Variants in PML observed in about 807,000 individuals in gnomAD.
PML encodes the protein PML nuclear body scaffold.
A neutral mutation model predicts 65.2 loss-of-function variants in PML; 28 were observed. That is an observed-to-expected ratio of 0.43 (90% CI 0.32 to 0.59). The LOEUF is 0.59. PML is among the 20% of genes least tolerant of loss of function. The pLI, the probability that PML is intolerant of heterozygous loss-of-function variation, is 0.08. For missense variants in PML, 1,021 were observed against 1,203.4 expected (o/e 0.85, Z 2.24); for synonymous variants, 500 against 508.8 (o/e 0.98, Z 0.23).
At chr15:74,012,456 G>A (rs539377912) in intron 2 of PML, among the ~76,000 whole-genome samples, 4 of 152,034 alleles carry the variant, frequency 2.6e-5, no homozygotes, top group South Asian at 4.2e-4. Context: ...TTACAGGCGT[G>A]AGCCACCGTG....
chr15:74,011,906 T>C (rs1393447805), intron 2 of PML, among the ~76,000 whole-genome samples: 2 of 152,216 alleles, frequency 1.3e-5, no homozygotes, highest in African/African-American at 4.8e-5. Context: ...CTACTCCTGC[T>C]GGACTCTACA....
chr15:74,042,908 C>A lies in PML; in HGVS notation c.1711-81C>A. The stretch of plus-strand genomic sequence containing the variant: ...TTCATGTGCACGCAGATGCTCCCAG[C>A]TATACCAGCTTGCTAGTGTTCTGCA... On this transcript the variant is annotated intron_variant, in intron 7 of 8. Transcript: ENST00000268058. The surrounding 1 kb of genome is among the most constrained non-coding windows in gnomAD (Gnocchi z 5.3). The A allele has an allele frequency of 6.2e-7, 1 of 1,609,552 alleles. No homozygotes were observed. The highest frequency in any genetic ancestry group is 8.5e-7 in the Non-Finnish European group (1 of 1,179,678).
rs76999765 is a variant in PML, at chr15:74,037,227, C to A, written c.1710+2697C>A. ...TCCCAGCCTCACCCTCAGCTGATGG[C>A]GGCACCTTCTGCTCCAGGGAGAAAA... On this transcript the variant is annotated intron_variant, in intron 7 of 8. Transcript: ENST00000268058. The surrounding 1 kb of genome is among the most constrained non-coding windows in gnomAD (Gnocchi z 4.2). 1.0e-6 allele frequency: 1 copy of A among 985,218 alleles called. No homozygotes were observed. Among genetic ancestry groups the A allele is most frequent in the Non-Finnish European group, 1.2e-6 (1 of 829,912 alleles). The allele number at this position is 985,218 out of a possible 1,614,324, so 61.0% of individuals were successfully genotyped here.
Position 73,998,187 on chromosome 15 carries a change from G to A in PML, c.313G>A (p.Asp105Asn). The change falls in exon 2 of 9, where the codon GAT becomes AAT. Residue 105 changes from aspartate to asparagine, a missense_variant. Physicochemically the swap from Asp to Asn is conservative, Grantham distance 23. Coordinates refer to ENST00000268058, the MANE Select transcript of PML (RefSeq NM_033238.3). ...WPLGADTPAL[D>N]NVFFESLQRR... ...CCTAGGTGCAGACACACCCGCCCTG[G>A]ATAACGTCTTTTTCGAGAGTCTGCA... 1 of 1,614,240 alleles carries A rather than the reference G, an allele frequency of 6.2e-7. No homozygotes were observed. Among genetic ancestry groups the A allele is most frequent in the Non-Finnish European group, 8.5e-7 (1 of 1,180,038 alleles).
Position 74,035,999 on chromosome 15 carries a change from C to T in PML, c.1710+1469C>T, listed in dbSNP as rs1226914001. ...CCTTGCAGCCAACACCCCTGCCCGG[C>T]CCCTGAGCTGCCTCCTCCAGCCCAT... On this transcript the variant is annotated intron_variant, in intron 7 of 8. Transcript: ENST00000268058. This position sits in a 1 kb window ranked among gnomAD's most constrained non-coding sequence, Gnocchi z 4.1. 2 of 1,614,108 alleles carry T rather than the reference C, an allele frequency of 1.2e-6. No homozygotes were observed. Among genetic ancestry groups the T allele is most frequent in the South Asian group, 1.1e-5 (1 of 91,090 alleles).
chr15:73,999,686 G>GA (rs1053254462), intron 2 of PML, among the ~76,000 whole-genome samples: 7 of 151,680 alleles, frequency 4.6e-5, no homozygotes, highest in Non-Finnish European at 7.4e-5. Context: ...TTCCTCGAAA[G>GA]AAAAAAATGT....
intron 4 of PML, chr15:74,025,807 G>C (rs987502180): frequency 6.6e-6 from 1 of 152,338 alleles, no homozygotes; most frequent in Non-Finnish European, 1.5e-5. Flanking sequence ...CCTGGACTTG[G>C]CATCTGGTCT....
At chr15:74,000,630 C>G (rs574570854) in intron 2 of PML, among the ~76,000 whole-genome samples, 16 of 152,286 alleles carry the variant, frequency 1.1e-4, no homozygotes, top group Middle Eastern at 3.4e-3. Context: ...TTTAAGTCAT[C>G]TCTAGATTAC....
chr15:74,034,634 G>T (rs775231611), intron 7 of PML, 104 bp downstream of exon 7: 1 of 1,611,958 alleles, frequency 6.2e-7, no homozygotes, highest in African/African-American at 1.3e-5. Flanking sequence ...TTGCGCCTGG[G>T]GAATTTTCCA....
In PML at chr15:74,044,398, G is replaced by A. The variant is rs1029424334; in HGVS notation, c.2039G>A (p.Trp680Ter). The A allele has an allele frequency of 6.2e-7, 1 of 1,614,090 alleles. No individual in the cohort carries two copies. The highest frequency in any genetic ancestry group is 8.5e-7 in the Non-Finnish European group (1 of 1,180,044). The change falls in exon 9 of 9, where the codon TGG becomes TAG. Residue 680 changes from tryptophan (W) to a stop codon, truncating the protein, a stop_gained. Coordinates refer to ENST00000268058, the MANE Select transcript of PML (RefSeq NM_033238.3). LOFTEE classifies it low-confidence loss of function (END_TRUNC). ...RRPILACYKL[W>*]GPGLPNFFRA... ...CCTATCTTGGCCTGCTACAAGCTGT[G>A]GGGGCCTGGCCTCCCAAACTTCTTC...
In PML at chr15:74,044,447, G is replaced by T; in HGVS notation, c.2088G>T (p.Arg696Ser). 6.2e-7 allele frequency: 1 copy of T among 1,614,208 alleles called. No homozygotes were observed. Among genetic ancestry groups the T allele is most frequent in the Non-Finnish European group, 8.5e-7 (1 of 1,180,022 alleles). ...NFFRALEDIN[R>S]LWEFQEAISG... ...TCCGGGCCCTGGAGGACATTAACAG[G>T]CTGTGGGAATTCCAGGAGGCCATCT... The change falls in exon 9 of 9, where the codon AGG (arginine) becomes AGT (serine). Residue 696 changes from arginine (R) to serine (S), a missense_variant. Coordinates refer to ENST00000268058, the MANE Select transcript of PML (RefSeq NM_033238.3).
intron 2 of PML, among the ~76,000 whole-genome samples, chr15:74,008,154 TAGAA>T (rs1401175062): frequency 1.6e-4 from 25 of 152,054 alleles, no homozygotes; most frequent in Middle Eastern, 3.4e-3. Context: ...TATAAGGAAA[TAGAA>T]AGGCCACAGA....
chr15:74,002,701 G>A (rs564692350), intron 2 of PML, among the ~76,000 whole-genome samples: 23 of 149,582 alleles, frequency 1.5e-4, no homozygotes, highest in Non-Finnish European at 2.8e-4. Flanking sequence ...TGATCCACCC[G>A]CCTCAGCCTC....
Position 74,043,079 on chromosome 15 carries a change from G to A in PML, c.1801G>A (p.Ala601Thr). ...CCTCAGGGTCCTGGACGAGAACCTT[G>A]CTGACCCCCAAGCAGAAGACAGACC... ...STLRVLDENL[A>T]DPQAEDRPLV... The change falls in exon 8 of 9, where the codon GCT (alanine) becomes ACT (threonine). Residue 601 changes from alanine (A) to threonine (T), a missense_variant. By Grantham distance (58) the Ala-to-Thr change is moderately conservative. Coordinates refer to ENST00000268058, the MANE Select transcript of PML (RefSeq NM_033238.3). This position sits in a 1 kb window ranked among gnomAD's most constrained non-coding sequence, Gnocchi z 4.3. 6.2e-7 allele frequency: 1 copy of A among 1,613,468 alleles called. No individual in the cohort carries two copies. Among genetic ancestry groups the A allele is most frequent in the Non-Finnish European group, 8.5e-7 (1 of 1,179,916 alleles).
At chr15:74,001,659 G>T (rs1158688171) in intron 2 of PML, among the ~76,000 whole-genome samples, 1 of 152,126 alleles carries the variant, frequency 6.6e-6, no homozygotes, top group Non-Finnish European at 1.5e-5. Flanking sequence ...ACTCTTTTAA[G>T]GCATAAGTTC....
At chr15:74,005,169 C>T (rs2141743206) in intron 2 of PML, among the ~76,000 whole-genome samples, 1 of 152,294 alleles carries the variant, frequency 6.6e-6, no homozygotes, top group Middle Eastern at 3.4e-3. Context: ...TTTCCTGCCT[C>T]AGCCTCCCGA....
rs1420597564 is a variant in PML at position 74,033,228 on chromosome 15, A to C, written c.1471A>C (p.Met491Leu). Residue 491 changes from methionine (M) to leucine (L), a missense_variant, in exon 6 of 9, where the codon ATG becomes CTG. Physicochemically the swap from Met to Leu is conservative, Grantham distance 15 (BLOSUM62 2). Transcript: ENST00000268058. ...CCAGTGCCCCAGGAAGGTCATCAAG[A>C]TGGAGTCTGAGGAGGGGAAGGAGGC... The part of the protein sequence containing the change: ...QTQCPRKVIK[M>L]ESEEGKEARL... 4 of 1,614,116 alleles carry C rather than the reference A, an allele frequency of 2.5e-6. No individual in the cohort carries two copies. Among genetic ancestry groups the C allele is most frequent in the African/African-American group, 1.3e-5 (1 of 75,022 alleles).
In PML at chr15:73,998,059, C is replaced by A; in HGVS notation, c.185C>A (p.Ala62Glu). The A allele has an allele frequency of 6.2e-7, 1 of 1,613,262 alleles. No homozygotes were observed. Among genetic ancestry groups the A allele is most frequent in the Non-Finnish European group, 8.5e-7 (1 of 1,179,998 alleles). Reference sequence around the variant, plus strand: ...TTTCTGCGCTGCCAGCAATGCCAGGCGGAAGCCAAGTGCCCGAAGCTGCTG... The same window carrying A: ...TTTCTGCGCTGCCAGCAATGCCAGGAGGAAGCCAAGTGCCCGAAGCTGCTG... ...FQFLRCQQCQAEAKCPKLLPC... is the reference protein window; with the variant it reads ...FQFLRCQQCQEEAKCPKLLPC... The change falls in exon 2 of 9, where the codon GCG becomes GAG. Residue 62 changes from alanine (A) to glutamate (E), a missense_variant. By Grantham distance (107) the Ala-to-Glu change is moderately radical. Coordinates refer to ENST00000268058, the MANE Select transcript of PML (RefSeq NM_033238.3).
intron 4 of PML, chr15:74,025,603 T>C (rs1421576638): frequency 6.5e-6 from 1 of 153,878 alleles, no homozygotes; most frequent in African/African-American, 2.4e-5. Context: ...GACCTGTGGC[T>C]GTCCAGCTTT....
Sources: gnomAD v4.1 joint callset for allele counts (sites outside exome capture counted in the v4.1 genomes callset) on GRCh38, gnomAD v4.1.1 for gene constraint, Gnocchi (gnomAD v3.1) non-coding constraint, MANE v1.5 for transcripts, NCBI Gene and HGNC (gene_info 2026-07-23, HGNC 2026-07-21) for gene names.